ZFPM2: variants seen among roughly 807,000 people sequenced by gnomAD.
ZFPM2 encodes zinc finger protein ZFPM2.
In ZFPM2, 20 loss-of-function variants were observed where a neutral mutation model predicts 98.6. The ratio of observed to expected loss-of-function variants is 0.20; its 90% CI spans 0.14 to 0.29. ZFPM2 has a LOEUF of 0.29. Ranked by LOEUF, ZFPM2 falls within the 10% of genes least tolerant of loss-of-function variation. The pLI, the probability that ZFPM2 is intolerant of heterozygous loss-of-function variation, is 1.00. For synonymous variants in ZFPM2, 518 were observed against 502.7 expected (o/e 1.03, Z -0.41); for missense variants, 1,310 against 1,388.6 (o/e 0.94, Z 0.90).
At chr8:105,779,031 C>A (rs948164662) in intron 5 of ZFPM2, among the ~76,000 whole-genome samples, 1 of 151,550 alleles carries the variant, frequency 6.6e-6, no homozygotes. Context: ...GACTTAATGG[C>A]GATGCTATGC....
intron 5 of ZFPM2, among the ~76,000 whole-genome samples, chr8:105,691,231 CTTTT>C (rs869164122): frequency 5.9e-4 from 40 of 67,952 alleles, no homozygotes; most frequent in African/African-American, 2.8e-3. Context: ...CCCAAAGAGA[CTTTT>C]TTTTTTTTTT....
At chr8:105,750,710 C>T (rs1563548398) in intron 5 of ZFPM2, among the ~76,000 whole-genome samples, 2 of 151,968 alleles carry the variant, frequency 1.3e-5, no homozygotes, top group South Asian at 2.1e-4. Context: ...AACAGTAATA[C>T]TCATAGTTTT....
At chr8:105,705,814 T>C (rs1179430259) in intron 5 of ZFPM2, among the ~76,000 whole-genome samples, 1 of 152,112 alleles carries the variant, frequency 6.6e-6, no homozygotes, top group Non-Finnish European at 1.5e-5. Flanking sequence ...CTCAGTTCTT[T>C]CTCCAAAATG....
chr8:105,551,797 A>G (rs1286160771), intron 3 of ZFPM2, among the ~76,000 whole-genome samples: 9 of 152,198 alleles, frequency 5.9e-5, no homozygotes. Context: ...GCTTATCAGT[A>G]TATTTCCTTT....
At chr8:105,475,917 T>C (rs1448976564) in intron 3 of ZFPM2, among the ~76,000 whole-genome samples, 1 of 152,196 alleles carries the variant, frequency 6.6e-6, no homozygotes, top group East Asian at 1.9e-4. Context: ...AAATGAGATG[T>C]ACATCATAAA....
intron 1 of ZFPM2, among the ~76,000 whole-genome samples, chr8:105,366,708 C>G (rs984824510): frequency 1.4e-5 from 2 of 138,322 alleles, no homozygotes; most frequent in Non-Finnish European, 3.1e-5. Flanking sequence ...TGTGATATTC[C>G]CCTTCCTGTG....
At chr8:105,642,578 T>A (rs1243224046) in intron 5 of ZFPM2, among the ~76,000 whole-genome samples, 1 of 152,178 alleles carries the variant, frequency 6.6e-6, no homozygotes, top group Non-Finnish European at 1.5e-5. Context: ...TATAATTACT[T>A]TTCTTTAGTA....
intron 1 of ZFPM2, among the ~76,000 whole-genome samples, chr8:105,319,232 T>TC (rs916038754): frequency 6.6e-6 from 1 of 152,030 alleles, no homozygotes; most frequent in African/African-American, 2.4e-5. Context: ...GCCCTCGCGC[T>TC]CCCGGGCTGC....
intron 5 of ZFPM2, among the ~76,000 whole-genome samples, chr8:105,706,231 C>A (rs1811256704): frequency 6.6e-6 from 1 of 152,052 alleles, no homozygotes. Context: ...CAAATATAAA[C>A]ATACATAGGA....
chr8:105,598,341 T>A (rs1348064837), intron 4 of ZFPM2, among the ~76,000 whole-genome samples: 2 of 152,248 alleles, frequency 1.3e-5, no homozygotes, highest in East Asian at 3.9e-4. Flanking sequence ...GGAAGTTTTA[T>A]GAGAGAGAGA....
chr8:105,435,174 C>T (rs1251771626), intron 2 of ZFPM2, among the ~76,000 whole-genome samples: 30 of 152,086 alleles, frequency 2.0e-4, no homozygotes, highest in East Asian at 7.7e-4. Flanking sequence ...ATTCTGAAAC[C>T]TAGACTAAGA....
At chr8:105,538,838 CCTGTCTCTACAAAACATTAA>C (rs571578180) in intron 3 of ZFPM2, among the ~76,000 whole-genome samples, 3 of 152,064 alleles carry the variant, frequency 2.0e-5, no homozygotes, top group African/African-American at 7.2e-5. Flanking sequence ...ATTGGGAAAC[CCTGTCTCTACAAAACATTAA>C]AAATAAATTA....
intron 3 of ZFPM2, among the ~76,000 whole-genome samples, chr8:105,514,905 A>G (rs1022016470): frequency 2.6e-5 from 4 of 152,206 alleles, no homozygotes; most frequent in Non-Finnish European, 5.9e-5. Flanking sequence ...ATCAGTATCC[A>G]TATGAATGAA....
At chr8:105,344,560 T>C (rs1563613267) in intron 1 of ZFPM2, among the ~76,000 whole-genome samples, 1 of 152,148 alleles carries the variant, frequency 6.6e-6, no homozygotes, top group Non-Finnish European at 1.5e-5. Context: ...ATACACAGTA[T>C]GTGTTTGTAA....
At chr8:105,659,520 T>A (rs1004428777) in intron 5 of ZFPM2, among the ~76,000 whole-genome samples, 27 of 152,218 alleles carry the variant, frequency 1.8e-4, no homozygotes, top group African/African-American at 5.3e-4. Flanking sequence ...ATAAATTGTT[T>A]TTACCATAAA....
At chr8:105,592,125 C>T (rs182867354) in intron 4 of ZFPM2, among the ~76,000 whole-genome samples, 1 of 151,968 alleles carries the variant, frequency 6.6e-6, no homozygotes, top group Non-Finnish European at 1.5e-5. Context: ...TGCAGCAAGA[C>T]TTTACTGTCA....
intron 3 of ZFPM2, among the ~76,000 whole-genome samples, chr8:105,494,147 A>G (rs966335934): frequency 7.1e-6 from 1 of 141,338 alleles, no homozygotes; most frequent in Non-Finnish European, 1.5e-5. Flanking sequence ...ACTTCCAAAT[A>G]TGTAGCTTTA....
intron 5 of ZFPM2, among the ~76,000 whole-genome samples, chr8:105,771,965 A>G (rs544807560): frequency 2.0e-5 from 3 of 152,294 alleles, no homozygotes; most frequent in African/African-American, 7.2e-5. Flanking sequence ...ATTATGGAGT[A>G]ACTATATTGT....
intron 3 of ZFPM2, among the ~76,000 whole-genome samples, chr8:105,536,864 T>C (rs1258826080): frequency 6.6e-6 from 1 of 152,090 alleles, no homozygotes; most frequent in African/African-American, 2.4e-5. Flanking sequence ...AAATCAAAAG[T>C]CTCCTCCAGT....
Sources: gnomAD v4.1 joint callset for allele counts (sites outside exome capture counted in the v4.1 genomes callset) on GRCh38, gnomAD v4.1.1 for gene constraint, MANE v1.5 for transcripts, NCBI Gene and HGNC (gene_info 2026-07-23, HGNC 2026-07-21) for gene names.